CSMD1: variants seen among roughly 807,000 people sequenced by gnomAD.
The protein encoded by CSMD1 is CUB and sushi domain-containing protein 1.
CSMD1 carries 213 observed loss-of-function variants against 417.5 expected under a neutral mutation model. The observed-to-expected ratio is 0.51, with a 90% CI of 0.46 to 0.57. The LOEUF (loss-of-function observed/expected upper bound fraction) is 0.57, where lower values mean the gene tolerates loss of function less well. Ranked by LOEUF, CSMD1 falls within the 20% of genes least tolerant of loss-of-function variation. The pLI, the probability that CSMD1 is intolerant of heterozygous loss-of-function variation, is 0.00. For missense variants in CSMD1, 6,923 were observed against 4,529.7 expected, an observed-to-expected ratio of 1.53 and a Z score of -15.17; for synonymous variants, 2,862 against 1,736.8, an observed-to-expected ratio of 1.65 and a Z score of -16.11.
chr8:4,884,782 A>T (rs1178918521), intron 1 of CSMD1, among the ~76,000 whole-genome samples: 1 of 152,040 alleles, frequency 6.6e-6, no homozygotes, highest in Admixed American at 6.6e-5. Flanking sequence ...CTTTGGAATA[A>T]GATTTGGGAA....
chr8:4,444,849 C>T (rs1167307010), intron 2 of CSMD1, among the ~76,000 whole-genome samples: 1 of 152,164 alleles, frequency 6.6e-6, no homozygotes, highest in Non-Finnish European at 1.5e-5. Flanking sequence ...AAATGACAAC[C>T]CAGAGGACTC....
intron 3 of CSMD1, among the ~76,000 whole-genome samples, chr8:4,338,745 A>G (rs1302942318): frequency 1.3e-5 from 2 of 152,066 alleles, no homozygotes; most frequent in Non-Finnish European, 2.9e-5. Context: ...CTAATTCATA[A>G]GCGAATATTA....
rs1814742234 is a variant in CSMD1 at position 3,991,438 on chromosome 8, C to T, written c.818+6465G>A. ...TTATGCGACAGCTTCATGGTAACAT[C>T]AGCTTGTCATTCATGTGTCCTCTTA... On this transcript the variant is annotated intron_variant, in intron 5 of 69. Coordinates refer to ENST00000635120, the MANE Select transcript of CSMD1 (RefSeq NM_033225.6). 2.0e-5 allele frequency among the ~76,000 whole-genome samples: 3 copies of T among 152,174 alleles called. No homozygotes were observed. In the South Asian group the frequency reaches 6.2e-4, roughly 32 times the overall value.
At chr8:3,244,215 C>T (rs765160887) in intron 26 of CSMD1, among the ~76,000 whole-genome samples, 29 of 152,244 alleles carry the variant, frequency 1.9e-4, no homozygotes, top group Non-Finnish European at 3.4e-4. Context: ...GATGCTATTG[C>T]GAGGCTGGTG....
At chr8:3,709,268 G>C (rs1465770544) in intron 6 of CSMD1, among the ~76,000 whole-genome samples, 1 of 151,766 alleles carries the variant, frequency 6.6e-6, no homozygotes, top group Non-Finnish European at 1.5e-5. Context: ...TAAGTGCCCA[G>C]TGGAAACATT....
chr8:4,142,601 T>C (rs905105424), intron 3 of CSMD1, among the ~76,000 whole-genome samples: 2 of 151,300 alleles, frequency 1.3e-5, no homozygotes, highest in South Asian at 2.1e-4. Flanking sequence ...TTTCAATTGC[T>C]AGCTTAGCAG....
intron 8 of CSMD1, among the ~76,000 whole-genome samples, chr8:3,606,649 A>T (rs750841913): frequency 9.2e-5 from 14 of 151,918 alleles, no homozygotes; most frequent in Non-Finnish European, 1.9e-4. Flanking sequence ...TAAATTTATT[A>T]ATGCTTTTCT....
intron 2 of CSMD1, among the ~76,000 whole-genome samples, chr8:4,628,526 A>C (rs1316448562): frequency 6.6e-6 from 1 of 151,798 alleles, no homozygotes; most frequent in East Asian, 1.9e-4. Flanking sequence ...CAGAGAGAGA[A>C]AGAGACATAG....
intron 26 of CSMD1, among the ~76,000 whole-genome samples, chr8:3,258,992 A>G (rs143616452): frequency 1.3e-5 from 2 of 152,204 alleles, no homozygotes; most frequent in Admixed American, 6.5e-5. Flanking sequence ...ACTAATGGGT[A>G]CTAGGCTTAA....
intron 3 of CSMD1, among the ~76,000 whole-genome samples, chr8:4,143,183 A>C (rs36039142): frequency 0.3 from 45,353 of 150,926 alleles, 8,494 homozygotes; most frequent in Non-Finnish European, 0.39. Context: ...CAAAACAGGT[A>C]AGTGCTGAGA....
At chr8:4,106,529 TTTTAAA>T (rs1384217683) in intron 3 of CSMD1, among the ~76,000 whole-genome samples, 7 of 152,160 alleles carry the variant, frequency 4.6e-5, no homozygotes, top group Non-Finnish European at 2.9e-5. Context: ...TCCTATGATA[TTTTAAA>T]TTTAAGAGAA....
intron 3 of CSMD1, among the ~76,000 whole-genome samples, chr8:4,335,757 A>T (rs1376265034): frequency 6.6e-6 from 1 of 152,148 alleles, no homozygotes; most frequent in African/African-American, 2.4e-5. Flanking sequence ...AACAAGATAG[A>T]GTCATCAATA....
At chr8:3,246,124 G>A (rs557822521) in intron 26 of CSMD1, among the ~76,000 whole-genome samples, 10 of 152,158 alleles carry the variant, frequency 6.6e-5, no homozygotes, top group African/African-American at 2.4e-4. Flanking sequence ...ATCGGTTCAT[G>A]TCACTTCTTT....
At chr8:4,286,588 T>C (rs1011921997) in intron 3 of CSMD1, among the ~76,000 whole-genome samples, 6 of 152,132 alleles carry the variant, frequency 3.9e-5, no homozygotes, top group African/African-American at 9.7e-5. Context: ...CAGCACCTGA[T>C]AGCCTCATCT....
chr8:4,290,380 G>A (rs1228133310), intron 3 of CSMD1, among the ~76,000 whole-genome samples: 1 of 152,196 alleles, frequency 6.6e-6, no homozygotes, highest in Non-Finnish European at 1.5e-5. Context: ...GAAGCCCAAA[G>A]ACGTAGGAAG....
chr8:3,515,477 C>T (rs1019826722), intron 10 of CSMD1: 1 of 150,188 alleles, frequency 6.7e-6, no homozygotes. Flanking sequence ...CAATTATTTC[C>T]TTGTTTGTTC....
At chr8:4,677,230 C>G (rs184374418) in intron 1 of CSMD1, among the ~76,000 whole-genome samples, 2 of 150,958 alleles carry the variant, frequency 1.3e-5, no homozygotes, top group African/African-American at 4.9e-5. Flanking sequence ...AGAAATAATG[C>G]TCAGGGAATT....
At chr8:3,443,446 C>T (rs1018301511) in intron 12 of CSMD1, among the ~76,000 whole-genome samples, 4 of 152,068 alleles carry the variant, frequency 2.6e-5, no homozygotes, top group East Asian at 1.9e-4. Context: ...ATTTGGGAGG[C>T]GGGTTGACAC....
chr8:4,194,521 T>C (rs183649043), intron 3 of CSMD1, among the ~76,000 whole-genome samples: 3 of 152,292 alleles, frequency 2.0e-5, no homozygotes, highest in African/African-American at 7.2e-5. Flanking sequence ...CCAGGAAGCA[T>C]CTCAACAACT....
Sources: gnomAD v4.1 joint callset for allele counts (sites outside exome capture counted in the v4.1 genomes callset) on GRCh38, gnomAD v4.1.1 for gene constraint, MANE v1.5 for transcripts, NCBI Gene and HGNC (gene_info 2026-07-23, HGNC 2026-07-21) for gene names.